The following WNK3 variants were observed in gnomAD, a reference collection of about 807,000 sequenced individuals.
WNK3 encodes serine/threonine-protein kinase WNK3.
In WNK3, 18 loss-of-function variants were observed where a neutral mutation model predicts 116.7. The ratio of observed to expected loss-of-function variants is 0.15; its 90% confidence interval spans 0.11 to 0.23. The LOEUF (loss-of-function observed/expected upper bound fraction) is 0.23, where lower values mean the gene tolerates loss of function less well. WNK3 is among the 10% of genes least tolerant of loss of function. The pLI is 1.00. For missense variants in WNK3, 993 were observed against 1,323.8 expected (o/e 0.75, Z 3.88); for synonymous variants, 404 against 469.4 (o/e 0.86, Z 1.80).
At chrX:54,333,038 T>G in intron 2 of WNK3, 99 bp downstream of exon 2, 1 of 610,610 alleles carries the variant, frequency 1.6e-6, no homozygotes, top group South Asian at 4.2e-5. Flanking sequence ...AGCCCTTTAT[T>G]TTATTTTAAT....
intron 2 of WNK3, among the ~76,000 whole-genome samples, chrX:54,321,627 A>G (rs2069035758): frequency 9.0e-6 from 1 of 111,706 alleles, no homozygotes; most frequent in Admixed American, 9.6e-5. Flanking sequence ...TCATATTACC[A>G]TACTAAAGCT....
At chrX:54,264,470 C>T (rs1010268160) in intron 10 of WNK3, among the ~76,000 whole-genome samples, 3 of 110,091 alleles carry the variant, frequency 2.7e-5, no homozygotes, top group African/African-American at 6.6e-5. Flanking sequence ...CAGGCCTGAA[C>T]GATGAAATTT....
rs1557166718 is a variant in WNK3, at chrX:54,298,158, T to G, written c.1398+17A>C. ...ATACAATAAGAGGTGAGGGGAATAG[T>G]GGTATGATTAACTTACCATTTCATA... On this transcript the variant is annotated intron_variant, in intron 7 of 23. Transcript: ENST00000354646. 1 of 1,028,854 alleles carries G rather than the reference T, an allele frequency of 9.7e-7. No individual in the cohort carries two copies. Among genetic ancestry groups the G allele is most frequent in the Admixed American group, 2.2e-5 (1 of 45,663 alleles). 84.8% of individuals were successfully genotyped at this position (1,028,854 alleles called of 1,213,427 possible).
intron 22 of WNK3, among the ~76,000 whole-genome samples, chrX:54,202,864 CAA>C (rs1170249063): frequency 2.1e-5 from 2 of 94,290 alleles, no homozygotes; most frequent in Admixed American, 1.2e-4. Context: ...ATGTTAAAAA[CAA>C]AAAAAAAAAG....
rs781977478 is a variant in WNK3 at position 54,198,154 on chromosome X, C to A, written c.*170G>T. 28 of 387,471 alleles carry A rather than the reference C, an allele frequency of 7.2e-5. No homozygotes were observed. The South Asian group carries it at 2.2e-3, about 30-fold the overall frequency. The allele number at this position is 387,471 out of a possible 1,213,427, so 31.9% of individuals were successfully genotyped here. ...TCTATCTGCAAACTGCACATTTCTA[C>A]AGAATGATGAGCTGTATCAAATACC... On this transcript the variant is annotated 3_prime_UTR_variant, in exon 24 of 24. Transcript: ENST00000354646.
chrX:54,196,453 C>A (rs1471867956), exon 24 of WNK3: 1 of 90,693 alleles, frequency 1.1e-5, no homozygotes. Context: ...ACAAAGTAGA[C>A]TGTGCAAAAA....
intron 17 of WNK3, among the ~76,000 whole-genome samples, chrX:54,241,658 A>C (rs1603379849): frequency 8.9e-6 from 1 of 111,933 alleles, no homozygotes; most frequent in Middle Eastern, 4.6e-3. Flanking sequence ...GAAAAGCATA[A>C]GTTTATAGAT....
chrX:54,212,504 C>T (rs1192062158), intron 22 of WNK3, among the ~76,000 whole-genome samples: 1 of 112,305 alleles, frequency 8.9e-6, no homozygotes, highest in African/African-American at 3.2e-5. Flanking sequence ...TATGAAGCAA[C>T]CTCATATAAG....
chrX:54,252,657 G>A (rs1471461418), intron 13 of WNK3, among the ~76,000 whole-genome samples: 56 of 92,007 alleles, frequency 6.1e-4, no homozygotes, highest in African/African-American at 2.4e-3. Context: ...GCAATAGAGC[G>A]AGACTCTGTC....
At chrX:54,274,048 A>C (rs1363757355) in intron 10 of WNK3, among the ~76,000 whole-genome samples, 1 of 111,694 alleles carries the variant, frequency 9.0e-6, no homozygotes, top group Non-Finnish European at 1.9e-5. Context: ...CAAATCAGAC[A>C]GGTGAACAGG....
At chrX:54,264,464 C>T (rs1557157252) in intron 10 of WNK3, among the ~76,000 whole-genome samples, 1 of 110,158 alleles carries the variant, frequency 9.1e-6, no homozygotes, top group Admixed American at 9.8e-5. Flanking sequence ...CCGTGCCAGG[C>T]CTGAACGATG....
In WNK3 at chrX:54,275,412, CATATGTGT is replaced by C. The variant is rs1223968004; in HGVS notation, c.2038-16082_2038-16075del. On this transcript the variant is annotated intron_variant, in intron 10 of 23. Transcript: ENST00000354646. ...TGTCGGTATCTGTAGGGTATAAGTT[CATATGTGT>C]GTGTGTGTGTGTGTGTGTGTGTGTG... Among the ~76,000 whole-genome samples the C allele has an allele frequency of 5.8e-3, 257 of 44,434 alleles. 1 individual carries two copies. Among genetic ancestry groups the C allele is most frequent in the African/African-American group, 0.023 (253 of 10,992 alleles). 38.6% of individuals were successfully genotyped at this position (44,434 alleles called of 115,157 possible).
intron 10 of WNK3, among the ~76,000 whole-genome samples, chrX:54,284,144 A>G (rs1357059758): frequency 9.0e-6 from 1 of 111,707 alleles, no homozygotes; most frequent in African/African-American, 3.2e-5. Flanking sequence ...TTTATAAAAC[A>G]TGTATCTGAC....
intron 10 of WNK3, among the ~76,000 whole-genome samples, chrX:54,277,906 A>T (rs1329913972): frequency 2.7e-5 from 3 of 110,105 alleles, no homozygotes; most frequent in African/African-American, 9.9e-5. Context: ...CAGCCTGGGC[A>T]ACATGGCAAA....
chrX:54,226,263 A>G (rs1676358394), intron 22 of WNK3, among the ~76,000 whole-genome samples: 1 of 109,385 alleles, frequency 9.1e-6, no homozygotes, highest in South Asian at 3.9e-4. Flanking sequence ...TGAGGTCAGG[A>G]GTTCGAGATC....
exon 15 of WNK3, chrX:54,251,446 C>A: frequency 8.4e-7 from 1 of 1,185,962 alleles, no homozygotes; most frequent in Non-Finnish European, 1.1e-6. Flanking sequence ...TTCAGATGAC[C>A]CTGTCTGAAT....
intron 1 of WNK3, among the ~76,000 whole-genome samples, chrX:54,357,124 C>T (rs2069603932): frequency 9.0e-6 from 1 of 110,661 alleles, no homozygotes; most frequent in African/African-American, 3.3e-5. Context: ...ATCAGCTGAA[C>T]CTCTGAAATA....
chrX:54,255,353 A>C (rs781799634), intron 12 of WNK3, among the ~76,000 whole-genome samples: 1 of 111,578 alleles, frequency 9.0e-6, no homozygotes, highest in South Asian at 3.8e-4. Flanking sequence ...GGGTTATTGA[A>C]GGATTAAATG....
chrX:54,342,884 G>C (rs1557176716), intron 1 of WNK3, among the ~76,000 whole-genome samples: 1 of 110,272 alleles, frequency 9.1e-6, no homozygotes, highest in Non-Finnish European at 1.9e-5. Flanking sequence ...GCCTCACTCT[G>C]TTACCCAGGA....
Sources: gnomAD v4.1 joint callset for allele counts (sites outside exome capture counted in the v4.1 genomes callset) on GRCh38, gnomAD v4.1.1 for gene constraint, MANE v1.5 for transcripts, NCBI Gene and HGNC (gene_info 2026-07-23, HGNC 2026-07-21) for gene names.